Variants in NUP133 observed in about 807,000 individuals in gnomAD.
The protein encoded by NUP133 is nuclear pore complex protein Nup133.
Under a neutral mutation model 146.2 loss-of-function variants are expected in NUP133, and 66 were observed. The ratio of observed to expected loss-of-function variants is 0.45; its 90% CI spans 0.37 to 0.55. NUP133 has a LOEUF of 0.55. Ranked by LOEUF, NUP133 falls within the 20% of genes least tolerant of loss-of-function variation. NUP133 has a pLI of 0.00. For missense variants in NUP133, 1,277 were observed against 1,374.8 expected (o/e 0.93, Z 1.12); for synonymous variants, 521 against 498.8 (o/e 1.04, Z -0.59).
At chr1:229,448,735 C>T (rs1441639187) in intron 24 of NUP133, 1 of 211,082 alleles carries the variant, frequency 4.7e-6, no homozygotes, top group Non-Finnish European at 9.5e-6. Flanking sequence ...CTGGTAACAA[C>T]ACCCTTTATA....
intron 24 of NUP133, 105 bp from the exon 25 acceptor site, chr1:229,445,107 A>C (rs1660276114): frequency 5.0e-6 from 4 of 806,096 alleles, no homozygotes; most frequent in Non-Finnish European, 8.1e-6. Context: ...TGGGGGATGG[A>C]GAATCTGAGT....
chr1:229,441,986 T>C lies in NUP133; in HGVS notation c.3389A>G (p.Gln1130Arg), dbSNP rs745441727. 9 of 1,592,484 alleles carry C rather than the reference T, an allele frequency of 5.7e-6. No individual in the cohort carries two copies. The highest frequency in any genetic ancestry group is 2.3e-5 in the South Asian group (2 of 86,098). The change falls in exon 26 of 26, where the codon CAG becomes CGG. Residue 1130 changes from glutamine to arginine, a missense_variant. Physicochemically the swap from Gln to Arg is conservative, Grantham distance 43. This residue lies in a region of NUP133 where 952 missense variants were observed against 1,047.0 expected (regional missense o/e 0.91). Transcript: ENST00000261396. ...AGGATTGGACTTTAAGCTTCCAAGC[T>C]GATCCGCTTGTAGCAGGTCTTTCAC... ...PEVKDLLQAD[Q>R]LGSLKSNPYF...
rs1660937109 is a variant in NUP133, at chr1:229,470,754, C to T, written c.1902G>A (p.Met634Ile). 1 of 1,614,158 alleles carries T rather than the reference C, an allele frequency of 6.2e-7. No individual in the cohort carries two copies. The highest frequency in any genetic ancestry group is 8.5e-7 in the Non-Finnish European group (1 of 1,180,038). Residue 634 changes from methionine (M) to isoleucine (I), a missense_variant, in exon 15 of 26, where the codon ATG becomes ATA. By Grantham distance (10) the Met-to-Ile change is conservative (BLOSUM62 1). Coordinates refer to ENST00000261396, the MANE Select transcript of NUP133 (RefSeq NM_018230.3). Reference sequence around the variant, plus strand: ...GCTCACAGAGCAACAGTCGAGTGGCCATCGGTGTCCCTCTAACTGGAAAAC... The same window carrying T: ...GCTCACAGAGCAACAGTCGAGTGGCTATCGGTGTCCCTCTAACTGGAAAAC... ...LGSFPVRGTP[M>I]ATRLLLCEHA...
At chr1:229,501,055 T>C (rs772750487) in intron 3 of NUP133, among the ~76,000 whole-genome samples, 192 bp from the exon 4 acceptor site, 7 of 152,188 alleles carry the variant, frequency 4.6e-5, no homozygotes, top group Non-Finnish European at 8.8e-5. Flanking sequence ...CTTAAGAGTA[T>C]TGAATCATGA....
intron 12 of NUP133, among the ~76,000 whole-genome samples, chr1:229,482,437 C>G (rs1661237574): frequency 6.6e-6 from 1 of 152,164 alleles, no homozygotes; most frequent in African/African-American, 2.4e-5. Context: ...AAGGAAGAAA[C>G]AGAAACACAA....
At chr1:229,505,124 C>G (rs1364207566) in intron 2 of NUP133, among the ~76,000 whole-genome samples, 4 of 152,150 alleles carry the variant, frequency 2.6e-5, no homozygotes, top group African/African-American at 9.7e-5. Context: ...CCAAGTGGCC[C>G]AGGGAAGCCA....
In NUP133 at chr1:229,472,701, AATATACATATAT is replaced by A. The variant is rs752361628; in HGVS notation, c.1852-1909_1852-1898del. Among the ~76,000 whole-genome samples the A allele has an allele frequency of 1.4e-3, 143 of 103,190 alleles. 5 individuals are homozygous for A. Among genetic ancestry groups the A allele is most frequent in the Admixed American group, 2.1e-3 (22 of 10,710 alleles). The allele number at this position is 103,190 out of a possible 152,430, so 67.7% of individuals were successfully genotyped here. A position where few individuals can be genotyped will look rare whatever the true frequency, so the allele number is the denominator to read the frequency against. ...CTGTCTCAAAAAAATTAAAAAACTA[AATATACATATAT>A]ATATATATATATATGTACAATCATT... On this transcript the variant is annotated intron_variant, in intron 14 of 25. Transcript: ENST00000261396.
intron 14 of NUP133, among the ~76,000 whole-genome samples, chr1:229,471,692 TAATG>T (rs1660959726): frequency 6.6e-6 from 1 of 152,216 alleles, no homozygotes; most frequent in African/African-American, 2.4e-5. Flanking sequence ...CAGGCATAAA[TAATG>T]AATACTTTTT....
chr1:229,481,638 G>T (rs1661213685), intron 12 of NUP133, among the ~76,000 whole-genome samples: 1 of 151,120 alleles, frequency 6.6e-6, no homozygotes, highest in Non-Finnish European at 1.5e-5. Context: ...GGCAGAGGTT[G>T]CAGTGAGCCG....
At position 229,495,209 on chromosome 1, in the gene NUP133, T is replaced by C. The variant is rs577352973; in HGVS notation, c.1046+286A>G. Among the ~76,000 whole-genome samples the C allele has an allele frequency of 2.6e-5, 4 of 152,158 alleles. No homozygotes were observed. In the East Asian group the frequency reaches 7.7e-4, roughly 29 times the overall value. Reference sequence around the variant, plus strand: ...TTCAAGACCAATCTGGGCAACATGGTAAGACCCTATCTCTACAAAAAAATT... The same window carrying C: ...TTCAAGACCAATCTGGGCAACATGGCAAGACCCTATCTCTACAAAAAAATT... On this transcript the variant is annotated intron_variant, in intron 8 of 25. Coordinates refer to ENST00000261396, the MANE Select transcript of NUP133 (RefSeq NM_018230.3).
Position 229,450,627 on chromosome 1 carries a change from TAGA to T in NUP133, c.3100-25_3100-23del, listed in dbSNP as rs2102748394. ...ATAGCTATGACAAGTTAAAATAAGG[TAGA>T]AGATTATACAATCATGTAACTAATA... On this transcript the variant is annotated intron_variant, in intron 22 of 25. Transcript: ENST00000261396. The T allele has an allele frequency of 4.9e-6, 6 of 1,236,020 alleles. No homozygotes were observed. The East Asian group carries it at 1.2e-4, about 25-fold the overall frequency. 76.6% of individuals were successfully genotyped at this position (1,236,020 alleles called of 1,614,324 possible). A position where few individuals can be genotyped will look rare whatever the true frequency, so the allele number is the denominator to read the frequency against.
chr1:229,505,047 AT>A (rs1661899370), intron 2 of NUP133, among the ~76,000 whole-genome samples: 1 of 152,128 alleles, frequency 6.6e-6, no homozygotes, highest in African/African-American at 2.4e-5. Flanking sequence ...AGACCTTTTC[AT>A]TATTTATTTT....
chr1:229,471,124 C>T (rs1174215962), intron 14 of NUP133, among the ~76,000 whole-genome samples: 2 of 152,104 alleles, frequency 1.3e-5, no homozygotes, highest in Non-Finnish European at 2.9e-5. Context: ...CTGCTCTTTT[C>T]GTCTTTTTTG....
chr1:229,505,969 T>C (rs1468151746), intron 2 of NUP133, 71 bp downstream of exon 2: 1 of 875,792 alleles, frequency 1.1e-6, no homozygotes, highest in Non-Finnish European at 1.9e-6. Context: ...AAAACATAAA[T>C]TTAATCTCTA....
In NUP133 at chr1:229,508,116, G is replaced by T. The variant is rs759871472; in HGVS notation, c.134C>A (p.Ser45Tyr). ...GCCGACCGGCGAGAAGAGCACTGGG[G>T]AGCTGACTGCAGACCCCAGGGGCAG... ...KGLPLGSAVSSPVLFSPVGRR... is the reference protein window; with the variant it reads ...KGLPLGSAVSYPVLFSPVGRR... The change falls in exon 1 of 26, where the codon TCC becomes TAC. Residue 45 changes from serine to tyrosine, a missense_variant. Around this residue, in one of 3 missense-constraint regions of NUP133, gnomAD observed 319 missense variants for 306.9 expected, o/e 1.04. Transcript: ENST00000261396. The T allele has an allele frequency of 6.4e-7, 1 of 1,570,926 alleles. No homozygotes were observed.
chr1:229,487,420 T>C, intron 10 of NUP133, 46 bp downstream of exon 10: 1 of 1,572,286 alleles, frequency 6.4e-7, no homozygotes, highest in Non-Finnish European at 8.6e-7. Flanking sequence ...GCACTCAGAA[T>C]GACTAATGAG....
chr1:229,502,325 C>T (rs560264155), intron 2 of NUP133, among the ~76,000 whole-genome samples: 5 of 151,778 alleles, frequency 3.3e-5, no homozygotes, highest in Non-Finnish European at 7.4e-5. Context: ...TTTGGGAGGC[C>T]GAGGTGGGAG....
chr1:229,503,637 A>G (rs1226241469), intron 2 of NUP133, among the ~76,000 whole-genome samples: 1 of 152,262 alleles, frequency 6.6e-6, no homozygotes, highest in African/African-American at 2.4e-5. Context: ...ACAATGTACA[A>G]GCAAAAATAT....
In NUP133 at chr1:229,442,029, T is replaced by C. The variant is rs1395561234; in HGVS notation, c.3346A>G (p.Ser1116Gly). 3.2e-6 allele frequency: 5 copies of C among 1,567,288 alleles called. No individual in the cohort carries two copies. The highest frequency in any genetic ancestry group is 4.3e-6 in the Non-Finnish European group (5 of 1,165,544). ...TCTTTCACCTCCGGTAAGTACTCAC[T>C]GAGCTGAATGCCTATAAACACAAAC... Reference protein sequence around the residue: ...QKLLKDGIQLSEYLPEVKDLL... With the variant: ...QKLLKDGIQLGEYLPEVKDLL... The change falls in exon 26 of 26, where the codon AGT becomes GGT. Residue 1116 changes from serine (S) to glycine (G), a missense_variant. This residue lies in a region of NUP133 where 952 missense variants were observed against 1,047.0 expected (regional missense o/e 0.91). Transcript: ENST00000261396.
Sources: allele counts gnomAD v4.1 joint callset (sites outside exome capture counted in the v4.1 genomes callset), GRCh38; gene constraint gnomAD v4.1.1; regional missense constraint gnomAD v4.1.1; transcripts MANE v1.5; gene names NCBI Gene and HGNC (gene_info 2026-07-23, HGNC 2026-07-21).